GRID2: variants seen among roughly 807,000 people sequenced by gnomAD.
The protein encoded by GRID2 is glutamate ionotropic receptor delta type subunit 2, also known as glutamate receptor ionotropic, delta-2.
In GRID2, 33 loss-of-function variants were observed where a neutral mutation model predicts 114.8. The observed-to-expected ratio is 0.29, with a 90% CI of 0.22 to 0.38. The LOEUF (loss-of-function observed/expected upper bound fraction) is 0.38, where lower values mean the gene tolerates loss of function less well. Among genes scored for constraint, GRID2 ranks in the 10% least tolerant of loss-of-function variants. The pLI is 1.00. For synonymous variants in GRID2, 505 were observed against 449.9 expected (o/e 1.12, Z -1.55); for missense variants, 1,184 against 1,257.7 (o/e 0.94, Z 0.89).
At chr4:93,246,620 T>C (rs1372582476) in intron 8 of GRID2, among the ~76,000 whole-genome samples, 2 of 151,690 alleles carry the variant, frequency 1.3e-5, no homozygotes, top group Non-Finnish European at 2.9e-5. Context: ...AAAGAAAATA[T>C]TATGAAGTAA....
intron 2 of GRID2, among the ~76,000 whole-genome samples, chr4:93,061,619 A>T (rs558579833): frequency 6.6e-6 from 1 of 152,294 alleles, no homozygotes; most frequent in Non-Finnish European, 1.5e-5. Flanking sequence ...GCAGACTAGC[A>T]ACTCACAATA....
intron 4 of GRID2, among the ~76,000 whole-genome samples, chr4:93,145,852 GCACACACACACATACACA>G (rs1560925874): frequency 9.7e-6 from 1 of 102,672 alleles, no homozygotes; most frequent in African/African-American, 4.4e-5. Context: ...ATTTGTGCAT[GCACACACACACATACACA>G]CACACACACA....
chr4:93,433,683 G>A (rs1720798905), intron 10 of GRID2, among the ~76,000 whole-genome samples: 1 of 152,160 alleles, frequency 6.6e-6, no homozygotes, highest in Admixed American at 6.5e-5. Flanking sequence ...AGCTAGTCAT[G>A]ACACTTGGCT....
intron 2 of GRID2, among the ~76,000 whole-genome samples, chr4:92,841,555 G>A (rs1396022397): frequency 1.3e-5 from 2 of 151,794 alleles, no homozygotes; most frequent in East Asian, 1.9e-4. Context: ...GTTAATATTA[G>A]TTTCGCTAGA....
intron 13 of GRID2, among the ~76,000 whole-genome samples, chr4:93,547,080 CTG>C (rs1733294224): frequency 1.3e-5 from 2 of 152,170 alleles, no homozygotes; most frequent in Admixed American, 1.3e-4. Context: ...CAAGGCAACC[CTG>C]TTCTCAAAAT....
intron 6 of GRID2, among the ~76,000 whole-genome samples, chr4:93,218,864 G>A (rs988887771): frequency 6.6e-6 from 1 of 152,106 alleles, no homozygotes; most frequent in Non-Finnish European, 1.5e-5. Flanking sequence ...CATCGCAGCA[G>A]GTAAGACAAG....
intron 13 of GRID2, among the ~76,000 whole-genome samples, chr4:93,620,090 C>G (rs13123140): frequency 0.49 from 73,955 of 151,994 alleles, 18,838 homozygotes; most frequent in East Asian, 0.68. Flanking sequence ...ATTAGATATC[C>G]TATCAGCTGT....
At chr4:92,730,107 A>G (rs986144257) in intron 2 of GRID2, among the ~76,000 whole-genome samples, 1 of 151,960 alleles carries the variant, frequency 6.6e-6, no homozygotes, top group Admixed American at 6.6e-5. Flanking sequence ...ATTATATCAC[A>G]TAGAACTCCA....
At chr4:92,377,937 C>G (rs979630077) in intron 1 of GRID2, among the ~76,000 whole-genome samples, 1 of 152,096 alleles carries the variant, frequency 6.6e-6, no homozygotes, top group Admixed American at 6.6e-5. Context: ...AACTATATCA[C>G]TACCCAATAT....
chr4:92,931,998 A>T (rs938805645), intron 2 of GRID2, among the ~76,000 whole-genome samples: 1 of 151,196 alleles, frequency 6.6e-6, no homozygotes, highest in African/African-American at 2.4e-5. Context: ...TAACCTAAAA[A>T]CTGGAACTGT....
chr4:92,687,279 A>G (rs1055658051), intron 2 of GRID2, among the ~76,000 whole-genome samples: 2 of 151,930 alleles, frequency 1.3e-5, no homozygotes, highest in African/African-American at 4.8e-5. Flanking sequence ...CACCAACTCA[A>G]TGAAGATACT....
At chr4:93,678,864 A>G (rs984999147) in intron 14 of GRID2, among the ~76,000 whole-genome samples, 2 of 151,192 alleles carry the variant, frequency 1.3e-5, no homozygotes, top group African/African-American at 2.5e-5. Flanking sequence ...AAGAAACTGC[A>G]TCAACTAACA....
chr4:93,355,753 G>C (rs1229521027), intron 8 of GRID2, among the ~76,000 whole-genome samples: 1 of 151,950 alleles, frequency 6.6e-6, no homozygotes, highest in Non-Finnish European at 1.5e-5. Flanking sequence ...AGCTCTGCAG[G>C]ACCTCGCATC....
At position 92,407,705 on chromosome 4, in the gene GRID2, T is replaced by C. The variant is rs182314244; in HGVS notation, c.88+102961T>C. On this transcript the variant is annotated intron_variant, in intron 1 of 15. Transcript: ENST00000282020. The stretch of plus-strand genomic sequence containing the variant: ...AAGTGATACTAAGCATATTTTCATA[T>C]GTTTATTGGTTGCTTGTATGTTTTC... 3.2e-3 allele frequency among the ~76,000 whole-genome samples: 482 copies of C among 152,302 alleles called. 4 individuals are homozygous for C. Among genetic ancestry groups the C allele is most frequent in the African/African-American group, 0.011 (445 of 41,570 alleles).
At chr4:93,701,281 G>T (rs1201322825) in intron 14 of GRID2, among the ~76,000 whole-genome samples, 1 of 152,140 alleles carries the variant, frequency 6.6e-6, no homozygotes, top group Non-Finnish European at 1.5e-5. Context: ...AACGAGTTTA[G>T]AGCTAACGCT....
intron 4 of GRID2, among the ~76,000 whole-genome samples, chr4:93,153,324 T>G (rs1189918768): frequency 1.3e-5 from 2 of 152,022 alleles, no homozygotes; most frequent in African/African-American, 4.8e-5. Context: ...AAATGGAGCA[T>G]TGAATCGGAC....
chr4:93,498,267 T>G (rs2149469970), intron 12 of GRID2, among the ~76,000 whole-genome samples: 1 of 151,960 alleles, frequency 6.6e-6, no homozygotes, highest in South Asian at 2.1e-4. Flanking sequence ...CTTTGACTGC[T>G]GTTCTATGTC....
At chr4:92,752,326 A>G (rs934191952) in intron 2 of GRID2, among the ~76,000 whole-genome samples, 1 of 152,176 alleles carries the variant, frequency 6.6e-6, no homozygotes, top group Admixed American at 6.6e-5. Context: ...ATAGAAAAAA[A>G]TACAAGAGAT....
At chr4:92,886,046 AT>A (rs1313784264) in intron 2 of GRID2, among the ~76,000 whole-genome samples, 1 of 152,106 alleles carries the variant, frequency 6.6e-6, no homozygotes, top group South Asian at 2.1e-4. Context: ...ATTTTGGTTT[AT>A]TTTTAATAAA....
Sources: allele counts gnomAD v4.1 joint callset (sites outside exome capture counted in the v4.1 genomes callset), GRCh38; gene constraint gnomAD v4.1.1; transcripts MANE v1.5; gene names NCBI Gene and HGNC (gene_info 2026-07-23, HGNC 2026-07-21).